The following PIN1 variants were observed in gnomAD, a reference collection of about 807,000 sequenced individuals.
PIN1 encodes the protein peptidyl-prolyl cis-trans isomerase NIMA-interacting 1.
In PIN1, 8 loss-of-function variants were observed where a neutral mutation model predicts 19.9. That is an observed-to-expected ratio of 0.40 (90% CI 0.24 to 0.72). The LOEUF is 0.72. Among genes scored for constraint, PIN1 ranks in the 30% least tolerant of loss-of-function variants. The pLI, the probability that PIN1 is intolerant of heterozygous loss-of-function variation, is 0.37. For synonymous variants in PIN1, 86 were observed against 90.8 expected (o/e 0.95, Z 0.30); for missense variants, 185 against 226.5 (o/e 0.82, Z 1.18).
intron 2 of PIN1, among the ~76,000 whole-genome samples, chr19:9,841,640 A>G (rs1599451067): frequency 6.6e-6 from 1 of 152,218 alleles, no homozygotes; most frequent in East Asian, 1.9e-4. Flanking sequence ...TGCTTTCAGC[A>G]GAGATCTGTG....
chr19:9,849,079 C>T lies in PIN1; in HGVS notation c.383-11C>T, dbSNP rs1490028838. The T allele has an allele frequency of 3.7e-6, 6 of 1,600,416 alleles. No individual in the cohort carries two copies. The African/African-American group carries it at 8.0e-5, about 21-fold the overall frequency. On this transcript the variant is annotated splice_polypyrimidine_tract_variant and intron_variant, in intron 3 of 3. Coordinates refer to ENST00000247970, the MANE Select transcript of PIN1 (RefSeq NM_006221.4). ...AGCCCTGACACCCCCACCGCCCCTC[C>T]TGGCTCCCAGGTCAGATGCAGAAGC...
intron 1 of PIN1, chr19:9,837,152 A>C: frequency 3.8e-6 from 1 of 262,496 alleles, no homozygotes; most frequent in Non-Finnish European, 7.7e-6. Flanking sequence ...TTTATTTTTT[A>C]TTGTTTGTTT....
At chr19:9,835,622 G>A (rs1041509449) in intron 1 of PIN1, 1 of 500,474 alleles carries the variant, frequency 2.0e-6, no homozygotes, top group Non-Finnish European at 3.4e-6. Context: ...GGGCTGGGCG[G>A]GTGAGGGTCC....
chr19:9,838,495 A>G lies in PIN1; in HGVS notation c.118A>G (p.Asn40Asp), dbSNP rs759422913. The G allele has an allele frequency of 6.2e-6, 10 of 1,608,838 alleles. No homozygotes were observed. Among genetic ancestry groups the G allele is most frequent in the Non-Finnish European group, 8.5e-6 (10 of 1,178,442 alleles). ...CAGCCAGTGGGAGCGGCCCAGCGGC[A>G]ACAGCAGCAGTGGTGGCAAAAACGG... ...NASQWERPSG[N>D]SSSGGKNGQG... is the part of the protein sequence containing the mutation. The change falls in exon 2 of 4, where the codon AAC (asparagine) becomes GAC (aspartate). Residue 40 changes from asparagine (N) to aspartate (D), a missense_variant. Asn to Asp is a conservative substitution (Grantham distance 23). Coordinates refer to ENST00000247970, the MANE Select transcript of PIN1 (RefSeq NM_006221.4). This position sits in a 1 kb window ranked among gnomAD's most constrained non-coding sequence, Gnocchi z 5.8.
intron 1 of PIN1, chr19:9,837,849 G>T (rs1020900267): frequency 4.4e-5 from 7 of 158,490 alleles, no homozygotes; most frequent in African/African-American, 1.7e-4. Flanking sequence ...GGCCAGGCTG[G>T]TCTTGAACTC....
intron 1 of PIN1, chr19:9,837,720 T>C: frequency 6.6e-6 from 1 of 152,572 alleles, no homozygotes; most frequent in Non-Finnish European, 1.5e-5. Context: ...GCAACCTCCA[T>C]CTCCCGGGTT....
At chr19:9,848,972 C>T (rs577146642) in intron 3 of PIN1, 118 bp from the exon 4 acceptor site, 16 of 681,868 alleles carry the variant, frequency 2.3e-5, no homozygotes, top group African/African-American at 8.8e-5. Context: ...TGAGTGTGGA[C>T]GAGTGTGAGG....
intron 2 of PIN1, among the ~76,000 whole-genome samples, chr19:9,847,656 C>T (rs2046232357): frequency 6.6e-6 from 1 of 152,162 alleles, no homozygotes. Context: ...TCTCCTCTGG[C>T]CCATCCAGCT....
Position 9,838,734 on chromosome 19 carries a change from C to A in PIN1, c.271+86C>A. 2.7e-6 allele frequency: 3 copies of A among 1,121,474 alleles called. No individual in the cohort carries two copies. The highest frequency in any genetic ancestry group is 2.9e-5 in the South Asian group (2 of 69,630). The allele number at this position is 1,121,474 out of a possible 1,614,324, so 69.5% of individuals were successfully genotyped here. A position where few individuals can be genotyped will look rare whatever the true frequency, so the allele number is the denominator to read the frequency against. On this transcript the variant is annotated intron_variant, in intron 2 of 3. Coordinates refer to ENST00000247970, the MANE Select transcript of PIN1 (RefSeq NM_006221.4). The surrounding 1 kb of genome is among the most constrained non-coding windows in gnomAD (Gnocchi z 5.8). The stretch of plus-strand genomic sequence containing the variant: ...AGTCACATCAGACCCTTCACCCCAG[C>A]TTGCTCAGCTGCCAGGCGTGGTGTT...
At chr19:9,845,124 C>A (rs1196065616) in intron 2 of PIN1, among the ~76,000 whole-genome samples, 4 of 152,106 alleles carry the variant, frequency 2.6e-5, no homozygotes, top group African/African-American at 9.7e-5. Flanking sequence ...CCAAGGTCTG[C>A]GAGGTGGGAG....
Position 9,849,200 on chromosome 19 carries a change from G to A in PIN1, c.*1G>A. The A allele has an allele frequency of 6.2e-7, 1 of 1,601,870 alleles. No homozygotes were observed. On this transcript the variant is annotated 3_prime_UTR_variant, in exon 4 of 4. Transcript: ENST00000247970. ...CCACATCATCCTCCGCACTGAGTGA[G>A]GGTGGGGAGCCCAGGCCTGGCCTCG...
intron 1 of PIN1, chr19:9,835,735 G>C: frequency 2.9e-6 from 1 of 348,942 alleles, no homozygotes; most frequent in Non-Finnish European, 5.2e-6. Context: ...TGCTGGGCCC[G>C]GGGGCACCCC....
At chr19:9,836,812 G>T (rs1299776423) in intron 1 of PIN1, 1 of 1,286,432 alleles carries the variant, frequency 7.8e-7, no homozygotes, top group African/African-American at 1.5e-5. Context: ...CCCTGTGTGT[G>T]CCTGGAACAG....
intron 2 of PIN1, among the ~76,000 whole-genome samples, chr19:9,844,999 C>T (rs1599453453): frequency 6.6e-6 from 1 of 152,228 alleles, no homozygotes; most frequent in South Asian, 2.1e-4. Context: ...ACCAATGGGA[C>T]GGTAGTAAAT....
At chr19:9,849,064 C>T in intron 3 of PIN1, 26 bp from the exon 4 acceptor site, 1 of 1,528,640 alleles carries the variant, frequency 6.5e-7, no homozygotes, top group Non-Finnish European at 9.1e-7. Flanking sequence ...AGCCCTGACA[C>T]CCCCACCGCC....
rs559346520 is a variant in PIN1 at position 9,844,087 on chromosome 19, C to T, written c.272-3943C>T. Among the ~76,000 whole-genome samples the T allele has an allele frequency of 5.6e-4, 85 of 152,238 alleles. No homozygotes were observed. In the South Asian group the frequency reaches 9.9e-3, roughly 18 times the overall value. ...GGCGCTAATCCTGTTGGATCAGGGC[C>T]CCACCCTTATGACCTCATTTAACCC... On this transcript the variant is annotated intron_variant, in intron 2 of 3. Coordinates refer to ENST00000247970, the MANE Select transcript of PIN1 (RefSeq NM_006221.4).
chr19:9,836,870 CA>C, intron 1 of PIN1: 1 of 1,285,940 alleles, frequency 7.8e-7, no homozygotes. Flanking sequence ...CCCAGAGATG[CA>C]AAAGGTGAGG....
At position 9,838,127 on chromosome 19, in the gene PIN1, C is replaced by T. The variant is rs1359730204; in HGVS notation, c.59-309C>T. ...TGAGTCACTCCCTGTCCCCCAGCTT[C>T]CTCTGTTCCATCACTCTGGGTTATT... On this transcript the variant is annotated intron_variant, in intron 1 of 3. Coordinates refer to ENST00000247970, the MANE Select transcript of PIN1 (RefSeq NM_006221.4). This position sits in a 1 kb window ranked among gnomAD's most constrained non-coding sequence, Gnocchi z 5.8. 12 of 433,924 alleles carry T rather than the reference C, an allele frequency of 2.8e-5. No homozygotes were observed. The highest frequency in any genetic ancestry group is 4.7e-5 in the Non-Finnish European group (11 of 231,988). The allele number at this position is 433,924 out of a possible 1,614,324, so 26.9% of individuals were successfully genotyped here.
chr19:9,839,489 T>A (rs1203325245), intron 2 of PIN1, among the ~76,000 whole-genome samples: 3 of 152,002 alleles, frequency 2.0e-5, no homozygotes, highest in Non-Finnish European at 4.4e-5. Context: ...GAGGAAGCTA[T>A]TCCCTGCTCT....
Sources: gnomAD v4.1 joint callset for allele counts (sites outside exome capture counted in the v4.1 genomes callset) on GRCh38, gnomAD v4.1.1 for gene constraint, Gnocchi (gnomAD v3.1) non-coding constraint, MANE v1.5 for transcripts, NCBI Gene and HGNC (gene_info 2026-07-23, HGNC 2026-07-21) for gene names.